Variants in DOCK10 observed in about 807,000 individuals in gnomAD.
DOCK10 encodes dedicator of cytokinesis protein 10.
Under a neutral mutation model 280.1 loss-of-function variants are expected in DOCK10, and 145 were observed. The ratio of observed to expected loss-of-function variants is 0.52; its 90% CI spans 0.45 to 0.59. The LOEUF (loss-of-function observed/expected upper bound fraction) is 0.59, where lower values mean the gene tolerates loss of function less well. Among genes scored for constraint, DOCK10 ranks in the 20% least tolerant of loss-of-function variants. The probability of loss-of-function intolerance (pLI) is 0.00; values close to 1 mark genes in which losing one functional copy is unlikely to be tolerated. For synonymous variants in DOCK10, 915 were observed against 942.2 expected, an observed-to-expected ratio of 0.97 and a Z score of 0.53; for missense variants, 2,368 against 2,651.7, an observed-to-expected ratio of 0.89 and a Z score of 2.35.
chr2:224,980,314 C>T (rs1335162215), intron 1 of DOCK10, among the ~76,000 whole-genome samples: 1 of 152,160 alleles, frequency 6.6e-6, no homozygotes, highest in African/African-American at 2.4e-5. Context: ...TTTTGAAATA[C>T]AATAAATTTT....
intron 6 of DOCK10, 58 bp from the exon 7 acceptor site, chr2:224,885,863 G>C (rs1699246644): frequency 6.4e-7 from 1 of 1,572,096 alleles, no homozygotes; most frequent in Non-Finnish European, 8.6e-7. Context: ...ATTACTCATA[G>C]AAATTAGAAT....
intron 1 of DOCK10, among the ~76,000 whole-genome samples, chr2:224,983,104 A>C (rs1323638822): frequency 6.6e-6 from 1 of 152,218 alleles, no homozygotes. Context: ...GGCTGAAAAT[A>C]TCTCTATTAC....
intron 11 of DOCK10, among the ~76,000 whole-genome samples, chr2:224,872,455 C>T (rs1253641639): frequency 6.6e-6 from 1 of 152,140 alleles, no homozygotes; most frequent in African/African-American, 2.4e-5. Flanking sequence ...CAATCTGATC[C>T]CAGAACGGCA....
Position 225,042,317 on chromosome 2 carries a change from C to T in DOCK10, c.58G>A (p.Ala20Thr). The T allele has an allele frequency of 7.4e-7, 1 of 1,355,176 alleles. No individual in the cohort carries two copies. The highest frequency in any genetic ancestry group is 9.5e-7 in the Non-Finnish European group (1 of 1,050,312). The allele number at this position is 1,355,176 out of a possible 1,614,324, so 83.9% of individuals were successfully genotyped here. A position where few individuals can be genotyped will look rare whatever the true frequency, so the allele number is the denominator to read the frequency against. Residue 20 changes from alanine to threonine, a missense_variant, in exon 1 of 56, where the codon GCC becomes ACC. Ala to Thr is a moderately conservative substitution (Grantham distance 58). This residue lies in a region of DOCK10 where 1,209 missense variants were observed against 1,250.9 expected (regional missense o/e 0.97). Coordinates refer to ENST00000258390, the MANE Select transcript of DOCK10 (RefSeq NM_014689.3). This position sits in a 1 kb window ranked among gnomAD's most constrained non-coding sequence, Gnocchi z 5.1. ...TRSLLRPGQA[A>T]ELRHSAASAA... ...GACGCGGCGCTGTGCCGGAGCTCGG[C>T]CGCCTGCCCAGGTCTCAACAGGCTC...
At chr2:224,836,172 T>G (rs1695580663) in intron 25 of DOCK10, among the ~76,000 whole-genome samples, 1 of 152,196 alleles carries the variant, frequency 6.6e-6, no homozygotes, top group African/African-American at 2.4e-5. Flanking sequence ...TCTTTCTCAG[T>G]CCCTTTAAGG....
At position 224,900,353 on chromosome 2, in the gene DOCK10, A is replaced by C. The variant is rs1286105667; in HGVS notation, c.334-3976T>G. Reference sequence around the variant, plus strand: ...GATACTGTACTACTAAGCACTTTGCATACAGTCTTAACAAGCATTCTTTGA... The same window carrying C: ...GATACTGTACTACTAAGCACTTTGCCTACAGTCTTAACAAGCATTCTTTGA... On this transcript the variant is annotated intron_variant, in intron 3 of 55. Coordinates refer to ENST00000258390, the MANE Select transcript of DOCK10 (RefSeq NM_014689.3). Among the ~76,000 whole-genome samples the C allele has an allele frequency of 2.0e-5, 3 of 151,796 alleles. No individual in the cohort carries two copies. In the South Asian group the frequency reaches 6.2e-4, roughly 31 times the overall value.
intron 28 of DOCK10, among the ~76,000 whole-genome samples, chr2:224,820,340 C>T (rs565572613): frequency 2.0e-4 from 30 of 152,340 alleles, no homozygotes; most frequent in Non-Finnish European, 3.5e-4. Flanking sequence ...CAAGCTACCA[C>T]GGCCAAAGAC....
rs115498026 is a variant in DOCK10, at chr2:224,934,008, C to T, written c.124-2340G>A. ...ATCCCACCTAAATTAGTACAATAGG[C>T]AAATCAGAGCTCCCAAGTCACAAGT... On this transcript the variant is annotated intron_variant, in intron 1 of 55. Transcript: ENST00000258390. 3.8e-3 allele frequency among the ~76,000 whole-genome samples: 585 copies of T among 152,190 alleles called. 3 individuals are homozygous for T. The highest frequency in any genetic ancestry group is 0.012 in the African/African-American group (513 of 41,524).
At chr2:224,911,281 T>C (rs1700998528) in intron 3 of DOCK10, among the ~76,000 whole-genome samples, 1 of 152,100 alleles carries the variant, frequency 6.6e-6, no homozygotes, top group Non-Finnish European at 1.5e-5. Flanking sequence ...AAGGCAAATT[T>C]TGTTGTCAAC....
At chr2:225,014,217 T>C (rs1057443119) in intron 1 of DOCK10, among the ~76,000 whole-genome samples, 33 of 151,936 alleles carry the variant, frequency 2.2e-4, no homozygotes, top group African/African-American at 7.5e-4. Flanking sequence ...TGGGAATTTT[T>C]GATGATATCA....
chr2:224,812,268 C>G (rs1179741653), intron 31 of DOCK10, among the ~76,000 whole-genome samples: 3 of 152,052 alleles, frequency 2.0e-5, no homozygotes, highest in Non-Finnish European at 2.9e-5. Flanking sequence ...GTAGTTCACT[C>G]ATGATTTGGC....
At chr2:224,886,886 A>ACCC (rs879598680) in intron 4 of DOCK10, among the ~76,000 whole-genome samples, 1,769 of 134,724 alleles carry the variant, frequency 0.013, 82 homozygotes, top group African/African-American at 0.039. Context: ...AGCACCCCCA[A>ACCC]CACCCCCCCA....
chr2:224,783,502 C>A (rs1691505550), intron 50 of DOCK10, among the ~76,000 whole-genome samples: 6 of 152,058 alleles, frequency 3.9e-5, no homozygotes, highest in Admixed American at 3.9e-4. Context: ...TCTTCATCTC[C>A]TGACCTTGTG....
At position 224,805,147 on chromosome 2, in the gene DOCK10, A is replaced by G; in HGVS notation, c.4052-23T>C. The stretch of plus-strand genomic sequence containing the variant: ...TCTCTAAAAGGAAACACCAGGTAGT[A>G]TGAGAATCTGAAGGTTTTCTTTTTC... On this transcript the variant is annotated intron_variant, in intron 36 of 55. Transcript: ENST00000258390. The surrounding 1 kb of genome is among the most constrained non-coding windows in gnomAD (Gnocchi z 4.3). 1 of 1,607,712 alleles carries G rather than the reference A, an allele frequency of 6.2e-7. No individual in the cohort carries two copies. The highest frequency in any genetic ancestry group is 8.5e-7 in the Non-Finnish European group (1 of 1,177,706).
intron 4 of DOCK10, among the ~76,000 whole-genome samples, chr2:224,895,859 A>ATG (rs1699958777): frequency 9.5e-6 from 1 of 105,674 alleles, no homozygotes; most frequent in Non-Finnish European, 1.8e-5. Context: ...ATATATATAT[A>ATG]TATGTCTTTT....
chr2:225,035,572 A>ATTATATATATATATATATATATATAT lies in DOCK10; in HGVS notation c.123+6679_123+6680insATATATATATATATATATATATATAA, dbSNP rs397869895. Among the ~76,000 whole-genome samples the ATTATATATATATATATATATATATAT allele has an allele frequency of 4.2e-3, 296 of 69,950 alleles. 18 individuals carry two copies. Among genetic ancestry groups the ATTATATATATATATATATATATATAT allele is most frequent in the Non-Finnish European group, 7.4e-3 (252 of 34,226 alleles). 45.9% of individuals were successfully genotyped at this position (69,950 alleles called of 152,430 possible). On this transcript the variant is annotated intron_variant, in intron 1 of 55. Coordinates refer to ENST00000258390, the MANE Select transcript of DOCK10 (RefSeq NM_014689.3). ...TATATATATATATATATATATATAT[A>ATTATATATATATATATATATATATAT]TATATATATATATATAACACTGAAT...
At chr2:224,931,464 G>A (rs1559796052) in intron 2 of DOCK10, 85 bp downstream of exon 2, 1 of 1,456,744 alleles carries the variant, frequency 6.9e-7, no homozygotes, top group Non-Finnish European at 9.2e-7. Context: ...AGGGAGGCCT[G>A]GACTCTCTGA....
In DOCK10 at chr2:224,770,388, C is replaced by G; in HGVS notation, c.6306-39G>C. On this transcript the variant is annotated intron_variant, in intron 54 of 55. Coordinates refer to ENST00000258390, the MANE Select transcript of DOCK10 (RefSeq NM_014689.3). This position sits in a 1 kb window ranked among gnomAD's most constrained non-coding sequence, Gnocchi z 4.5. ...ATTAAACAAATTAAAAACCAGCCCTCGGAAGTGGCATTGAGCTCAGTGACT... is the reference window on the plus strand; with the variant it reads ...ATTAAACAAATTAAAAACCAGCCCTGGGAAGTGGCATTGAGCTCAGTGACT... 1 of 1,566,228 alleles carries G rather than the reference C, an allele frequency of 6.4e-7. No homozygotes were observed. Among genetic ancestry groups the G allele is most frequent in the South Asian group, 1.2e-5 (1 of 82,950 alleles).
intron 1 of DOCK10, among the ~76,000 whole-genome samples, chr2:224,951,807 C>G (rs1703747214): frequency 6.6e-6 from 1 of 152,160 alleles, no homozygotes; most frequent in Non-Finnish European, 1.5e-5. Context: ...CAGGCACATG[C>G]AAGGTTGTTG....
Sources: allele counts gnomAD v4.1 joint callset (sites outside exome capture counted in the v4.1 genomes callset), GRCh38; gene constraint gnomAD v4.1.1; regional missense constraint gnomAD v4.1.1; non-coding constraint Gnocchi (gnomAD v3.1); transcripts MANE v1.5; gene names NCBI Gene and HGNC (gene_info 2026-07-23, HGNC 2026-07-21).